The following SMAD1 variants were observed in gnomAD, a reference collection of about 807,000 sequenced individuals.
SMAD1 encodes the protein MAD, mothers against decapentaplegic homolog 1.
SMAD1 carries 6 observed loss-of-function variants against 41.6 expected under a neutral mutation model. The observed-to-expected ratio is 0.14, with a 90% CI of 0.08 to 0.28. The LOEUF (loss-of-function observed/expected upper bound fraction) is 0.28, where lower values mean the gene tolerates loss of function less well. Ranked by LOEUF, SMAD1 falls within the 10% of genes least tolerant of loss-of-function variation. The probability of loss-of-function intolerance (pLI) is 1.00; values close to 1 mark genes in which losing one functional copy is unlikely to be tolerated. For missense variants in SMAD1, 379 were observed against 582.6 expected, an observed-to-expected ratio of 0.65 and a Z score of 3.60; for synonymous variants, 206 against 203.2, an observed-to-expected ratio of 1.01 and a Z score of -0.12.
chr4:145,552,039 C>T (rs1372910526), intron 5 of SMAD1, among the ~76,000 whole-genome samples: 1 of 152,186 alleles, frequency 6.6e-6, no homozygotes, highest in Non-Finnish European at 1.5e-5. Flanking sequence ...TTTGCAAAGA[C>T]ATTTTAATGA....
At chr4:145,550,196 G>T (rs1732480065) in intron 5 of SMAD1, among the ~76,000 whole-genome samples, 1 of 152,148 alleles carries the variant, frequency 6.6e-6, no homozygotes, top group Admixed American at 6.6e-5. Context: ...ATAGATTCTT[G>T]AAGTGAAATT....
intron 1 of SMAD1, among the ~76,000 whole-genome samples, chr4:145,489,765 T>A (rs1358795195): frequency 3.3e-5 from 5 of 152,198 alleles, no homozygotes; most frequent in Admixed American, 3.3e-4. Flanking sequence ...TACGTTAGAC[T>A]CTCTGCAGTC....
At chr4:145,523,979 A>G (rs1220806780) in intron 2 of SMAD1, among the ~76,000 whole-genome samples, 1 of 152,166 alleles carries the variant, frequency 6.6e-6, no homozygotes, top group East Asian at 1.9e-4. Flanking sequence ...AGCTCACTGC[A>G]GCCTCAAACT....
chr4:145,501,872 AC>A (rs761476298), intron 1 of SMAD1, among the ~76,000 whole-genome samples: 4 of 152,126 alleles, frequency 2.6e-5, no homozygotes, highest in Admixed American at 6.5e-5. Flanking sequence ...AATGATTTCT[AC>A]CTTGAAGCAT....
Position 145,482,836 on chromosome 4 carries a change from A to C in SMAD1, c.-177+798A>C, listed in dbSNP as rs1728268091. ...ATGTGTATTCGTGAGTTCGCGGTTG[A>C]ACAACTGTTCCTTTACTCTGCTCCC... On this transcript the variant is annotated intron_variant, in intron 1 of 6. Transcript: ENST00000302085. The surrounding 1 kb of genome is among the most constrained non-coding windows in gnomAD (Gnocchi z 4.2). 1 of 151,894 alleles carries C rather than the reference A, an allele frequency of 6.6e-6. No individual in the cohort carries two copies. The highest frequency in any genetic ancestry group is 6.6e-5 in the Admixed American group (1 of 15,252). 9.4% of individuals were successfully genotyped at this position (151,894 alleles called of 1,614,324 possible).
chr4:145,546,496 C>CGAGAA (rs1732259632), intron 4 of SMAD1: 1 of 546,656 alleles, frequency 1.8e-6, no homozygotes, highest in South Asian at 2.6e-5. Flanking sequence ...AAATTGTTCT[C>CGAGAA]CAATTTTCTC....
intron 2 of SMAD1, among the ~76,000 whole-genome samples, chr4:145,521,035 C>A (rs977717897): frequency 1.3e-5 from 2 of 152,178 alleles, no homozygotes; most frequent in Non-Finnish European, 2.9e-5. Flanking sequence ...TTAGGAATTT[C>A]TTTTTCTGCA....
intron 1 of SMAD1, among the ~76,000 whole-genome samples, chr4:145,486,475 C>T (rs1191991858): frequency 6.6e-6 from 1 of 152,122 alleles, no homozygotes; most frequent in Non-Finnish European, 1.5e-5. Context: ...TTTAAAAAAA[C>T]ATTCAACATC....
At chr4:145,556,933 C>T (rs1373582678) in intron 6 of SMAD1, among the ~76,000 whole-genome samples, 1 of 152,044 alleles carries the variant, frequency 6.6e-6, no homozygotes, top group African/African-American at 2.4e-5. Flanking sequence ...CCATCTCGGC[C>T]TCCCAAAGTG....
chr4:145,557,675 AG>A, intron 6 of SMAD1, 115 bp from the exon 7 acceptor site: 1 of 715,426 alleles, frequency 1.4e-6, no homozygotes, highest in Non-Finnish European at 2.2e-6. Context: ...CGGGGGGGTC[AG>A]GGAGGAAAGA....
chr4:145,480,964 A>C (rs1255383045), upstream of SMAD1, among the ~76,000 whole-genome samples: 1 of 151,842 alleles, frequency 6.6e-6, no homozygotes, highest in Non-Finnish European at 1.5e-5. Flanking sequence ...TTCCTCAAAA[A>C]AAAATCATTT....
intron 5 of SMAD1, among the ~76,000 whole-genome samples, chr4:145,547,578 G>A (rs1005682234): frequency 1.3e-5 from 2 of 152,158 alleles, no homozygotes; most frequent in Admixed American, 6.5e-5. Context: ...AATAAATCCC[G>A]AACTCTTTTT....
chr4:145,515,056 A>G (rs767148895), intron 2 of SMAD1, 43 bp downstream of exon 2: 4 of 1,530,484 alleles, frequency 2.6e-6, no homozygotes. Flanking sequence ...TGTGCCCAGT[A>G]CCAGATTTGT....
chr4:145,526,094 G>A (rs963292730), intron 2 of SMAD1, among the ~76,000 whole-genome samples: 17 of 152,156 alleles, frequency 1.1e-4, no homozygotes, highest in African/African-American at 3.6e-4. Context: ...TATCTAAATT[G>A]TGGCCTGGCG....
intron 2 of SMAD1, among the ~76,000 whole-genome samples, chr4:145,531,123 C>T (rs1354554147): frequency 1.3e-5 from 2 of 152,224 alleles, no homozygotes; most frequent in Non-Finnish European, 2.9e-5. Context: ...TGCCACCACT[C>T]AGGGGTTTAG....
At chr4:145,531,843 A>G (rs1165306358) in intron 2 of SMAD1, among the ~76,000 whole-genome samples, 1 of 148,160 alleles carries the variant, frequency 6.7e-6, no homozygotes, top group Non-Finnish European at 1.5e-5. Flanking sequence ...TTTTTCTGTT[A>G]CTTCTATATG....
At chr4:145,508,371 C>A (rs1729900036) in intron 1 of SMAD1, among the ~76,000 whole-genome samples, 1 of 151,960 alleles carries the variant, frequency 6.6e-6, no homozygotes, top group Admixed American at 6.6e-5. Context: ...GGGTTCAGAT[C>A]CAGGTTCTGC....
intron 2 of SMAD1, among the ~76,000 whole-genome samples, chr4:145,532,882 C>T (rs937332291): frequency 6.6e-6 from 1 of 152,220 alleles, no homozygotes; most frequent in Non-Finnish European, 1.5e-5. Context: ...GTAAATCTCT[C>T]ACCCAAGAAA....
At chr4:145,552,408 A>T (rs969021120) in intron 5 of SMAD1, among the ~76,000 whole-genome samples, 1 of 151,260 alleles carries the variant, frequency 6.6e-6, no homozygotes, top group African/African-American at 2.5e-5. Context: ...CCCACATGGG[A>T]TCTAACGCTG....
Sources: gnomAD v4.1 joint callset for allele counts (sites outside exome capture counted in the v4.1 genomes callset) on GRCh38, gnomAD v4.1.1 for gene constraint, Gnocchi (gnomAD v3.1) non-coding constraint, MANE v1.5 for transcripts, NCBI Gene and HGNC (gene_info 2026-07-23, HGNC 2026-07-21) for gene names.